ITPR2: variants seen among roughly 807,000 people sequenced by gnomAD.
ITPR2 encodes inositol 1,4,5-trisphosphate receptor type 2, also known as inositol 1,4,5-trisphosphate-gated calcium channel ITPR2.
Under a neutral mutation model 317.1 loss-of-function variants are expected in ITPR2, and 207 were observed. The observed-to-expected ratio is 0.65, with a 90% CI of 0.58 to 0.73. The LOEUF (loss-of-function observed/expected upper bound fraction) is 0.73, where lower values mean the gene tolerates loss of function less well. Among genes scored for constraint, ITPR2 ranks in the 30% least tolerant of loss-of-function variants. The pLI is 0.00. For synonymous variants in ITPR2, 1,156 were observed against 1,149.1 expected, an observed-to-expected ratio of 1.01 and a Z score of -0.12; for missense variants, 2,613 against 3,284.0, an observed-to-expected ratio of 0.80 and a Z score of 4.99.
chr12:26,670,138 G>A (rs1249827401), intron 13 of ITPR2, among the ~76,000 whole-genome samples: 1 of 152,216 alleles, frequency 6.6e-6, no homozygotes, highest in African/African-American at 2.4e-5. Context: ...CAAACAAAAA[G>A]ACAGCAGTAA....
intron 37 of ITPR2, among the ~76,000 whole-genome samples, chr12:26,513,843 C>T (rs562794873): frequency 6.6e-6 from 1 of 152,092 alleles, no homozygotes; most frequent in Admixed American, 6.6e-5. Context: ...ATAAAAGCTA[C>T]CCAGGAGGAA....
intron 26 of ITPR2, among the ~76,000 whole-genome samples, chr12:26,605,065 G>A (rs1162905726): frequency 7.0e-6 from 1 of 143,256 alleles, no homozygotes; most frequent in African/African-American, 2.5e-5. Flanking sequence ...TGCAGCCTGG[G>A]CGACAGAGCA....
rs1320470763 is a variant in ITPR2, at chr12:26,385,694, T to C, written c.7857+1740A>G. ...TGAAACTGGGCAACTCACGATCCCC[T>C]GAGTGTCCAAGTGTCTCATGTTTAT... On this transcript the variant is annotated intron_variant, in intron 55 of 56. Coordinates refer to ENST00000381340, the MANE Select transcript of ITPR2 (RefSeq NM_002223.4). 2.0e-5 allele frequency among the ~76,000 whole-genome samples: 3 copies of C among 152,182 alleles called. No homozygotes were observed. The South Asian group carries it at 6.2e-4, about 32-fold the overall frequency.
At chr12:26,376,689 ATTCT>A (rs772737135) in intron 55 of ITPR2, among the ~76,000 whole-genome samples, 10 of 151,890 alleles carry the variant, frequency 6.6e-5, no homozygotes, top group Admixed American at 1.3e-4. Context: ...AAGTAAATCA[ATTCT>A]TTCTTTTTTT....
intron 55 of ITPR2, among the ~76,000 whole-genome samples, chr12:26,355,390 G>C (rs1938604660): frequency 7.1e-6 from 1 of 140,106 alleles, no homozygotes; most frequent in African/African-American, 2.7e-5. Flanking sequence ...TTAAAACCTA[G>C]ACTATCATTT....
intron 21 of ITPR2, among the ~76,000 whole-genome samples, chr12:26,644,323 C>G (rs768472356): frequency 6.6e-6 from 1 of 152,142 alleles, no homozygotes; most frequent in Non-Finnish European, 1.5e-5. Context: ...GAGCTGCTGC[C>G]TCCACCTGGA....
chr12:26,768,422 AATT>A (rs1396218997), intron 2 of ITPR2, among the ~76,000 whole-genome samples: 45 of 68,328 alleles, frequency 6.6e-4, no homozygotes, highest in Non-Finnish European at 1.5e-3. Flanking sequence ...AATAAAAAAA[AATT>A]AAAAAAAAAT....
chr12:26,619,757 TG>T (rs1238731604), intron 26 of ITPR2, among the ~76,000 whole-genome samples: 3 of 152,172 alleles, frequency 2.0e-5, no homozygotes, highest in Non-Finnish European at 2.9e-5. Context: ...GTAAGTAATA[TG>T]TCATTTTATT....
intron 45 of ITPR2, among the ~76,000 whole-genome samples, chr12:26,471,614 G>A (rs942573456): frequency 6.6e-6 from 1 of 152,130 alleles, no homozygotes; most frequent in South Asian, 2.1e-4. Context: ...GGCCAAAAGA[G>A]ATGTCATGGC....
intron 37 of ITPR2, among the ~76,000 whole-genome samples, chr12:26,503,340 C>CA (rs1240795800): frequency 6.6e-6 from 1 of 152,046 alleles, no homozygotes; most frequent in Non-Finnish European, 1.5e-5. Context: ...CAATATTTGA[C>CA]AAAATATGTA....
In ITPR2 at chr12:26,399,845, A is replaced by C. The variant is rs537957128; in HGVS notation, c.7530+283T>G. On this transcript the variant is annotated intron_variant, in intron 53 of 56. Transcript: ENST00000381340. ...ACCTCGTTTATGTTATTTGTGTAACAATCAACTCCTATATAAAGTTCGCAG... is the reference window on the plus strand; with the variant it reads ...ACCTCGTTTATGTTATTTGTGTAACCATCAACTCCTATATAAAGTTCGCAG... Among the ~76,000 whole-genome samples, 245 of 152,376 alleles carry C rather than the reference A, an allele frequency of 1.6e-3. 1 individual carries two copies. The highest frequency in any genetic ancestry group is 5.4e-3 in the African/African-American group (226 of 41,588).
intron 9 of ITPR2, among the ~76,000 whole-genome samples, chr12:26,707,853 G>A (rs1302880539): frequency 1.3e-5 from 2 of 150,942 alleles, no homozygotes; most frequent in Non-Finnish European, 2.9e-5. Flanking sequence ...TTTGACAAGA[G>A]ATTAATAACC....
At chr12:26,470,601 T>C (rs938046003) in intron 45 of ITPR2, among the ~76,000 whole-genome samples, 8 of 152,230 alleles carry the variant, frequency 5.3e-5, no homozygotes, top group African/African-American at 1.9e-4. Context: ...CAAAATGTGA[T>C]TCTCCTTTCA....
chr12:26,795,240 C>T (rs908577969), intron 1 of ITPR2, among the ~76,000 whole-genome samples: 7 of 152,178 alleles, frequency 4.6e-5, no homozygotes, highest in South Asian at 2.1e-4. Flanking sequence ...GGAAAAATGA[C>T]ATAATCCCTT....
intron 2 of ITPR2, among the ~76,000 whole-genome samples, chr12:26,767,415 C>G (rs1224917649): frequency 2.0e-5 from 3 of 152,210 alleles, no homozygotes; most frequent in Non-Finnish European, 4.4e-5. Flanking sequence ...GAACCTTTCT[C>G]TAGTGGCTTA....
intron 1 of ITPR2, among the ~76,000 whole-genome samples, chr12:26,802,587 CTATATATAGATATAGA>C (rs1263234819): frequency 2.1e-4 from 2 of 9,408 alleles, no homozygotes; most frequent in African/African-American, 3.2e-4. Flanking sequence ...ATAGATATAT[CTATATATAGATATAGA>C]TATAGATATA....
chr12:26,798,888 C>T (rs1214367473), intron 1 of ITPR2, among the ~76,000 whole-genome samples: 1 of 152,222 alleles, frequency 6.6e-6, no homozygotes, highest in Non-Finnish European at 1.5e-5. Context: ...ATGCCACATT[C>T]ATTCATGGCT....
intron 32 of ITPR2, among the ~76,000 whole-genome samples, chr12:26,591,802 C>T (rs557542864): frequency 6.6e-6 from 1 of 151,394 alleles, no homozygotes; most frequent in Non-Finnish European, 1.5e-5. Context: ...CACCACTGTA[C>T]TCCAGCCTGG....
At chr12:26,702,436 T>C (rs1189681641) in intron 9 of ITPR2, among the ~76,000 whole-genome samples, 1 of 151,238 alleles carries the variant, frequency 6.6e-6, no homozygotes, top group Non-Finnish European at 1.5e-5. Flanking sequence ...TTTTTCTTTT[T>C]TTTTTTTCTC....
Sources: allele counts gnomAD v4.1 joint callset (sites outside exome capture counted in the v4.1 genomes callset), GRCh38; gene constraint gnomAD v4.1.1; transcripts MANE v1.5; gene names NCBI Gene and HGNC (gene_info 2026-07-23, HGNC 2026-07-21).